The following EBF2 variants were observed in gnomAD, a reference collection of about 807,000 sequenced individuals.
The protein encoded by EBF2 is EBF transcription factor 2.
EBF2 carries 21 observed loss-of-function variants against 72.8 expected under a neutral mutation model. That is an observed-to-expected ratio of 0.29 (90% CI 0.20 to 0.42). The LOEUF (loss-of-function observed/expected upper bound fraction) is 0.42. Among genes scored for constraint, EBF2 ranks in the 10% least tolerant of loss-of-function variants. EBF2 has a pLI of 1.00. For missense variants in EBF2, 637 were observed against 731.2 expected (o/e 0.87, Z 1.49); for synonymous variants, 299 against 274.2 (o/e 1.09, Z -0.89).
chr8:26,027,920 A>G lies in EBF2; in HGVS notation c.551+5165T>C, dbSNP rs557480181. Among the ~76,000 whole-genome samples the G allele has an allele frequency of 2.0e-5, 3 of 152,288 alleles. No homozygotes were observed. In the East Asian group the frequency reaches 5.8e-4, roughly 29 times the overall value. On this transcript the variant is annotated intron_variant, in intron 6 of 15. Coordinates refer to ENST00000520164, the MANE Select transcript of EBF2 (RefSeq NM_022659.4). The stretch of plus-strand genomic sequence containing the variant: ...GTGTCTAGAGTAGTCAACTTCATAG[A>G]GACATTAAATACAATGGTGGTTTCC...
chr8:25,864,822 G>C (rs1469917309), intron 10 of EBF2, among the ~76,000 whole-genome samples: 2 of 142,878 alleles, frequency 1.4e-5, no homozygotes, highest in Non-Finnish European at 3.0e-5. Flanking sequence ...TTTTGAGACA[G>C]AGTCTCACTC....
chr8:26,004,160 G>T (rs1215796121), intron 6 of EBF2, among the ~76,000 whole-genome samples: 1 of 151,828 alleles, frequency 6.6e-6, no homozygotes, highest in Non-Finnish European at 1.5e-5. Context: ...AAATCTACAT[G>T]TGGAGTTTGT....
Position 25,844,387 on chromosome 8 carries a change from T to G in EBF2, c.*222A>C, listed in dbSNP as rs1259505827. The G allele has an allele frequency of 1.9e-6, 1 of 528,154 alleles. No individual in the cohort carries two copies. The highest frequency in any genetic ancestry group is 3.4e-6 in the Non-Finnish European group (1 of 295,894). The allele number at this position is 528,154 out of a possible 1,614,324, so 32.7% of individuals were successfully genotyped here. A position where few individuals can be genotyped will look rare whatever the true frequency, so the allele number is the denominator to read the frequency against. On this transcript the variant is annotated 3_prime_UTR_variant, in exon 16 of 16. Transcript: ENST00000520164. ...CTGCTCTTAGCACTGACTACGTCAA[T>G]GACATCTTTTGTCCTTGTCCCAAGA... is the stretch of plus-strand genomic sequence containing the variant.
chr8:26,003,169 T>C (rs1804769990), intron 6 of EBF2, among the ~76,000 whole-genome samples: 1 of 152,182 alleles, frequency 6.6e-6, no homozygotes, highest in East Asian at 1.9e-4. Context: ...CTGGGAGCTT[T>C]GGGTAACATT....
intron 7 of EBF2, among the ~76,000 whole-genome samples, chr8:25,895,865 G>A (rs113302611): frequency 1.3e-4 from 19 of 151,968 alleles, no homozygotes; most frequent in African/African-American, 4.1e-4. Flanking sequence ...CCTACCCTTT[G>A]GTTATTTTTA....
intron 6 of EBF2, among the ~76,000 whole-genome samples, chr8:26,017,738 C>A (rs1192317983): frequency 6.6e-6 from 1 of 152,192 alleles, no homozygotes; most frequent in Admixed American, 6.5e-5. Flanking sequence ...TTAGAACAAT[C>A]TGAAAATGTT....
At chr8:25,844,683 T>A in intron 15 of EBF2, 43 bp from the exon 16 acceptor site, 1 of 1,613,066 alleles carries the variant, frequency 6.2e-7, no homozygotes. Context: ...TGGGGACTTT[T>A]TATGTTCAAG....
At chr8:25,949,676 G>GA (rs1239524710) in intron 6 of EBF2, among the ~76,000 whole-genome samples, 3 of 151,812 alleles carry the variant, frequency 2.0e-5, no homozygotes, top group South Asian at 2.1e-4. Flanking sequence ...TCATTATCAG[G>GA]AAAAAAACAA....
At chr8:25,929,524 C>T (rs1459303899) in intron 6 of EBF2, among the ~76,000 whole-genome samples, 2 of 152,176 alleles carry the variant, frequency 1.3e-5, no homozygotes, top group African/African-American at 2.4e-5. Context: ...GATTTTTTCA[C>T]TATGTGCCTT....
Position 25,843,735 on chromosome 8 carries a change from A to C in EBF2, c.*874T>G, listed in dbSNP as rs1244826488. ...AGCTGGGAATGAATTGATGGGTTGGAGTATTTGTGCATGTGCTAGAGTGTC... is the reference window on the plus strand; with the variant it reads ...AGCTGGGAATGAATTGATGGGTTGGCGTATTTGTGCATGTGCTAGAGTGTC... On this transcript the variant is annotated 3_prime_UTR_variant, in exon 16 of 16. Transcript: ENST00000520164. 1 of 152,252 alleles carries C rather than the reference A, an allele frequency of 6.6e-6. No homozygotes were observed. The highest frequency in any genetic ancestry group is 1.9e-4 in the East Asian group (1 of 5,178). The allele number at this position is 152,252 out of a possible 1,614,324, so 9.4% of individuals were successfully genotyped here. A position where few individuals can be genotyped will look rare whatever the true frequency, so the allele number is the denominator to read the frequency against.
intron 6 of EBF2, among the ~76,000 whole-genome samples, chr8:25,982,685 C>G (rs1222608848): frequency 6.6e-6 from 1 of 152,074 alleles, no homozygotes; most frequent in Non-Finnish European, 1.5e-5. Context: ...AGTAACACAC[C>G]AGTGCTGCCT....
At chr8:25,958,869 C>T (rs115518613) in intron 6 of EBF2, among the ~76,000 whole-genome samples, 170 of 152,328 alleles carry the variant, frequency 1.1e-3, no homozygotes, top group African/African-American at 3.7e-3. Context: ...TTGGTAGAAT[C>T]TGAAGTAGCC....
intron 10 of EBF2, among the ~76,000 whole-genome samples, chr8:25,863,188 A>G (rs1231678085): frequency 1.3e-5 from 2 of 152,100 alleles, no homozygotes; most frequent in African/African-American, 4.8e-5. Context: ...TCTATGAAAT[A>G]TTCTTCTAAA....
intron 15 of EBF2, among the ~76,000 whole-genome samples, chr8:25,850,115 A>T (rs138271262): frequency 1.3e-4 from 20 of 152,252 alleles, no homozygotes; most frequent in African/African-American, 4.1e-4. Context: ...TTTTAAAAAA[A>T]TTTGATTATT....
intron 10 of EBF2, among the ~76,000 whole-genome samples, chr8:25,863,849 A>G (rs1247047470): frequency 6.6e-6 from 1 of 152,158 alleles, no homozygotes; most frequent in Non-Finnish European, 1.5e-5. Context: ...ATTGAAACCT[A>G]TACACATACT....
intron 6 of EBF2, among the ~76,000 whole-genome samples, chr8:25,916,060 C>T (rs1377819708): frequency 2.0e-5 from 3 of 151,966 alleles, no homozygotes; most frequent in Non-Finnish European, 4.4e-5. Context: ...CCGAGGCAGT[C>T]TGATCACTTG....
chr8:25,968,102 G>A (rs2117185778), intron 6 of EBF2, among the ~76,000 whole-genome samples: 1 of 151,746 alleles, frequency 6.6e-6, no homozygotes, highest in Admixed American at 6.6e-5. Flanking sequence ...TCTGCACATA[G>A]GTGGGCTATT....
At chr8:25,941,291 C>T (rs139403970) in intron 6 of EBF2, among the ~76,000 whole-genome samples, 2,456 of 151,890 alleles carry the variant, frequency 0.016, 62 homozygotes, top group African/African-American at 0.057. Context: ...CTGCAACCTC[C>T]GCCTCCCGGG....
At chr8:25,940,108 T>C (rs1803644806) in intron 6 of EBF2, among the ~76,000 whole-genome samples, 1 of 152,120 alleles carries the variant, frequency 6.6e-6, no homozygotes. Context: ...CAAAAACACT[T>C]GGCAATATCA....
Sources: gnomAD v4.1 joint callset for allele counts (sites outside exome capture counted in the v4.1 genomes callset) on GRCh38, gnomAD v4.1.1 for gene constraint, MANE v1.5 for transcripts, NCBI Gene and HGNC (gene_info 2026-07-23, HGNC 2026-07-21) for gene names.